Variants in LRRTM4 observed in about 807,000 individuals in gnomAD.
LRRTM4 encodes leucine rich repeat transmembrane neuronal 4, also known as leucine-rich repeat transmembrane neuronal protein 4.
LRRTM4 carries 25 observed loss-of-function variants against 47.6 expected under a neutral mutation model. The ratio of observed to expected loss-of-function variants is 0.53; its 90% CI spans 0.38 to 0.73. LRRTM4 has a LOEUF of 0.73. Ranked by LOEUF, LRRTM4 falls within the 30% of genes least tolerant of loss-of-function variation. The probability of loss-of-function intolerance (pLI) is 0.00; values close to 1 mark genes in which losing one functional copy is unlikely to be tolerated. For missense variants in LRRTM4, 638 were observed against 713.4 expected (o/e 0.89, Z 1.20); for synonymous variants, 311 against 269.5 (o/e 1.15, Z -1.51).
intron 3 of LRRTM4, among the ~76,000 whole-genome samples, chr2:77,477,913 AAG>A (rs768847642): frequency 6.7e-5 from 4 of 59,480 alleles, no homozygotes; most frequent in East Asian, 6.0e-4. Context: ...AAAAGAAAGA[AAG>A]AAAGAAAGAA....
chr2:77,469,025 T>C (rs1044174881), intron 3 of LRRTM4, among the ~76,000 whole-genome samples: 9 of 152,184 alleles, frequency 5.9e-5, no homozygotes, highest in African/African-American at 1.4e-4. Flanking sequence ...CGATGTCCCA[T>C]TGGTGCAGAT....
chr2:77,016,687 C>A (rs888498832), intron 3 of LRRTM4, among the ~76,000 whole-genome samples: 2 of 152,112 alleles, frequency 1.3e-5, no homozygotes, highest in Admixed American at 6.6e-5. Context: ...CCAGTAGAGG[C>A]CCCCACTCAG....
At chr2:76,808,418 T>C (rs940369468) in intron 3 of LRRTM4, among the ~76,000 whole-genome samples, 2 of 148,354 alleles carry the variant, frequency 1.3e-5, no homozygotes, top group African/African-American at 2.5e-5. Context: ...TCCAACTGCA[T>C]TGAAAATATA....
In LRRTM4 at chr2:76,867,391, T is replaced by G. The variant is rs552347058; in HGVS notation, c.1552-118475A>C. Among the ~76,000 whole-genome samples, 3 of 152,278 alleles carry G rather than the reference T, an allele frequency of 2.0e-5. No homozygotes were observed. The South Asian group carries it at 6.2e-4, about 32-fold the overall frequency. On this transcript the variant is annotated intron_variant, in intron 3 of 3. Transcript: ENST00000409884. ...GTTTGTAAACCAAATTGGACACAAA[T>G]GAGTTCAGGTATAAAAGATTTAAAA... is the stretch of plus-strand genomic sequence containing the variant.
intron 3 of LRRTM4, among the ~76,000 whole-genome samples, chr2:76,999,877 G>T (rs1677350642): frequency 6.6e-6 from 1 of 152,090 alleles, no homozygotes; most frequent in Non-Finnish European, 1.5e-5. Flanking sequence ...ACCATTTTTA[G>T]GTGGTTTTCA....
intron 3 of LRRTM4, among the ~76,000 whole-genome samples, chr2:77,303,403 T>A (rs1677191339): frequency 6.6e-6 from 1 of 152,248 alleles, no homozygotes; most frequent in Non-Finnish European, 1.5e-5. Flanking sequence ...ATTTATAATT[T>A]ATATTTCCAA....
intron 3 of LRRTM4, among the ~76,000 whole-genome samples, chr2:77,250,223 C>T (rs570984407): frequency 4.6e-5 from 7 of 152,182 alleles, no homozygotes; most frequent in Non-Finnish European, 8.8e-5. Flanking sequence ...GAAACTATCA[C>T]GTCATAATAA....
chr2:76,999,302 T>G (rs1458589872), intron 3 of LRRTM4, among the ~76,000 whole-genome samples: 1 of 151,950 alleles, frequency 6.6e-6, no homozygotes, highest in African/African-American at 2.4e-5. Flanking sequence ...GTGAACAGTT[T>G]CAGAAAATAT....
chr2:77,132,356 G>T (rs999319215), intron 3 of LRRTM4, among the ~76,000 whole-genome samples: 1 of 152,082 alleles, frequency 6.6e-6, no homozygotes, highest in African/African-American at 2.4e-5. Context: ...GTACTTCATT[G>T]TGTGTATATA....
chr2:77,116,055 T>A (rs554601444), intron 3 of LRRTM4, among the ~76,000 whole-genome samples: 4 of 152,132 alleles, frequency 2.6e-5, no homozygotes, highest in African/African-American at 7.2e-5. Flanking sequence ...CAGAGATACA[T>A]AGGACTGGAG....
intron 3 of LRRTM4, among the ~76,000 whole-genome samples, chr2:77,513,975 C>T (rs561870536): frequency 2.0e-5 from 3 of 151,906 alleles, no homozygotes; most frequent in South Asian, 2.1e-4. Context: ...TTTAAATTGT[C>T]GTAAAAAAAT....
chr2:77,139,333 T>C (rs1210331342), intron 3 of LRRTM4, among the ~76,000 whole-genome samples: 1 of 152,092 alleles, frequency 6.6e-6, no homozygotes, highest in African/African-American at 2.4e-5. Context: ...CGAAAATCAA[T>C]AAACATAATC....
intron 3 of LRRTM4, among the ~76,000 whole-genome samples, chr2:77,476,419 C>T (rs956379064): frequency 2.6e-5 from 4 of 151,976 alleles, no homozygotes; most frequent in African/African-American, 9.7e-5. Context: ...AATCATCTGA[C>T]TGCAATGCAA....
chr2:77,136,222 C>A (rs963965384), intron 3 of LRRTM4, among the ~76,000 whole-genome samples: 1 of 152,284 alleles, frequency 6.6e-6, no homozygotes, highest in Non-Finnish European at 1.5e-5. Flanking sequence ...CTGGGAGGCA[C>A]CCTCCAGTAG....
intron 3 of LRRTM4, among the ~76,000 whole-genome samples, chr2:76,873,504 G>GTATATATATATATATATATATATATA (rs1371189658): frequency 2.7e-5 from 2 of 73,202 alleles, no homozygotes; most frequent in African/African-American, 8.4e-5. Flanking sequence ...ATATATATGT[G>GTATATATATATATATATATATATATA]TGTATATATA....
At chr2:77,482,133 A>C (rs1180579921) in intron 3 of LRRTM4, among the ~76,000 whole-genome samples, 1 of 152,164 alleles carries the variant, frequency 6.6e-6, no homozygotes, top group Middle Eastern at 3.2e-3. Context: ...TGATTTTTTT[A>C]AAAAAGAAGA....
At chr2:77,171,062 CAT>C (rs573689850) in intron 3 of LRRTM4, among the ~76,000 whole-genome samples, 2 of 151,820 alleles carry the variant, frequency 1.3e-5, no homozygotes, top group Non-Finnish European at 1.5e-5. Context: ...TACACACACA[CAT>C]ACATATATAT....
At chr2:76,954,927 C>T (rs1056679646) in intron 3 of LRRTM4, among the ~76,000 whole-genome samples, 6 of 151,444 alleles carry the variant, frequency 4.0e-5, no homozygotes, top group Non-Finnish European at 8.9e-5. Flanking sequence ...AAAACAAAAA[C>T]AAAAACAAAA....
At chr2:77,018,203 GTTTT>G (rs199695699) in intron 3 of LRRTM4, among the ~76,000 whole-genome samples, 3 of 67,722 alleles carry the variant, frequency 4.4e-5, no homozygotes, top group African/African-American at 5.2e-5. Context: ...AATTTTTTTT[GTTTT>G]TTTTTTCAAA....
Sources: gnomAD v4.1 joint callset for allele counts (sites outside exome capture counted in the v4.1 genomes callset) on GRCh38, gnomAD v4.1.1 for gene constraint, MANE v1.5 for transcripts, NCBI Gene and HGNC (gene_info 2026-07-23, HGNC 2026-07-21) for gene names.